SNX29: variants seen among roughly 807,000 people sequenced by gnomAD.
The protein encoded by SNX29 is sorting nexin 29.
In SNX29, 78 loss-of-function variants were observed where a neutral mutation model predicts 102.1. The observed-to-expected ratio is 0.76, with a 90% CI of 0.64 to 0.92. The LOEUF (loss-of-function observed/expected upper bound fraction) is 0.92, where lower values mean the gene tolerates loss of function less well. Ranked by LOEUF, SNX29 falls within the 40% of genes least tolerant of loss-of-function variation. SNX29 has a pLI of 0.00. For synonymous variants in SNX29, 580 were observed against 414.5 expected, an observed-to-expected ratio of 1.40 and a Z score of -4.85; for missense variants, 1,280 against 1,061.7, an observed-to-expected ratio of 1.21 and a Z score of -2.86.
intron 14 of SNX29, among the ~76,000 whole-genome samples, chr16:12,266,261 A>G (rs530423554): frequency 5.7e-4 from 86 of 152,048 alleles, no homozygotes; most frequent in Non-Finnish European, 1.0e-3. Flanking sequence ...CACCGCTCTC[A>G]ACACACCATT....
rs779900480 is a variant in SNX29 at position 12,571,771 on chromosome 16, A to C, written c.*3142A>C. ...ACCATCCACTCCTGATCTGAGACAG[A>C]ACCTTCTCCGCCACTCTTCCTGCAA... On this transcript the variant is annotated 3_prime_UTR_variant, in exon 21 of 21. Transcript: ENST00000566228. 2.6e-4 allele frequency: 261 copies of C among 1,010,980 alleles called. No individual in the cohort carries two copies. The highest frequency in any genetic ancestry group is 3.0e-4 in the Non-Finnish European group (247 of 831,018). The allele number at this position is 1,010,980 out of a possible 1,614,324, so 62.6% of individuals were successfully genotyped here. A position where few individuals can be genotyped will look rare whatever the true frequency, so the allele number is the denominator to read the frequency against.
At chr16:12,422,820 C>G (rs890125710) in intron 18 of SNX29, among the ~76,000 whole-genome samples, 1 of 152,244 alleles carries the variant, frequency 6.6e-6, no homozygotes, top group Non-Finnish European at 1.5e-5. Flanking sequence ...CTGACAATTT[C>G]ACTTTTGTGA....
intron 20 of SNX29, among the ~76,000 whole-genome samples, chr16:12,526,138 C>T (rs1274484213): frequency 6.6e-6 from 1 of 152,206 alleles, no homozygotes; most frequent in African/African-American, 2.4e-5. Flanking sequence ...AAGCACTGTT[C>T]TGGGTCGGTG....
At chr16:12,296,469 AG>A (rs2079985749) in intron 15 of SNX29, among the ~76,000 whole-genome samples, 1 of 152,242 alleles carries the variant, frequency 6.6e-6, no homozygotes, top group African/African-American at 2.4e-5. Flanking sequence ...GATCATTACT[AG>A]GCCAGCAGAC....
At chr16:12,088,683 C>T (rs577279571) in intron 11 of SNX29, among the ~76,000 whole-genome samples, 3 of 152,288 alleles carry the variant, frequency 2.0e-5, no homozygotes, top group South Asian at 4.1e-4. Flanking sequence ...CAGTGGCGCA[C>T]GCCTGTAATC....
chr16:12,288,513 T>A (rs1168060332), intron 15 of SNX29, among the ~76,000 whole-genome samples: 1 of 152,130 alleles, frequency 6.6e-6, no homozygotes, highest in Non-Finnish European at 1.5e-5. Flanking sequence ...ACACCGCCAC[T>A]TCAATAAAGC....
chr16:12,069,012 T>C, intron 9 of SNX29, 45 bp from the exon 10 acceptor site: 1 of 1,570,490 alleles, frequency 6.4e-7, no homozygotes, highest in East Asian at 2.2e-5. Context: ...GGAGAACATG[T>C]AGTGAGAAAA....
Position 12,128,810 on chromosome 16 carries a change from A to G in SNX29, c.1467-820A>G, listed in dbSNP as rs867202671. On this transcript the variant is annotated intron_variant, in intron 12 of 20. Coordinates refer to ENST00000566228, the MANE Select transcript of SNX29 (RefSeq NM_032167.5). ...AGTGTCCTCTGGATTTAGTATGTAG[A>G]TGTACCATGGTTGGTAATTGTTTTC... Among the ~76,000 whole-genome samples the G allele has an allele frequency of 1.8e-4, 26 of 148,058 alleles. 1 individual carries two copies. The South Asian group carries it at 4.7e-3, about 27-fold the overall frequency.
intron 13 of SNX29, among the ~76,000 whole-genome samples, chr16:12,175,511 G>A (rs1372522542): frequency 1.3e-5 from 2 of 151,964 alleles, no homozygotes; most frequent in African/African-American, 4.8e-5. Context: ...ATTAGCCAGG[G>A]ATGGTGGTAC....
In SNX29 at chr16:12,441,188, C is replaced by T. The variant is rs556165321; in HGVS notation, c.2038-36531C>T. 9.2e-4 allele frequency among the ~76,000 whole-genome samples: 139 copies of T among 151,252 alleles called. 5 individuals are homozygous for T. The South Asian group carries it at 0.025, about 27-fold the overall frequency. On this transcript the variant is annotated intron_variant, in intron 18 of 20. Transcript: ENST00000566228. Reference sequence around the variant, plus strand: ...CTGCAAGCTCCGCCTCCTGGGTTCCCGCCATTCTCCTGACTCAGCCTCCCG... The same window carrying T: ...CTGCAAGCTCCGCCTCCTGGGTTCCTGCCATTCTCCTGACTCAGCCTCCCG...
At chr16:12,165,447 G>A (rs919830081) in intron 13 of SNX29, among the ~76,000 whole-genome samples, 3 of 152,240 alleles carry the variant, frequency 2.0e-5, no homozygotes, top group African/African-American at 7.2e-5. Context: ...AATGATACAT[G>A]TAGGCAAAAT....
intron 13 of SNX29, among the ~76,000 whole-genome samples, chr16:12,147,328 A>G (rs890752861): frequency 6.6e-6 from 1 of 152,226 alleles, no homozygotes; most frequent in African/African-American, 2.4e-5. Context: ...CAAAGGACAG[A>G]AGCAGGAGGA....
chr16:12,142,961 G>T (rs992412108), intron 13 of SNX29, among the ~76,000 whole-genome samples: 2 of 151,848 alleles, frequency 1.3e-5, no homozygotes, highest in African/African-American at 4.8e-5. Context: ...TGTCCTGTGG[G>T]TGCTAGAAAT....
chr16:12,151,532 G>A (rs1370713269), intron 13 of SNX29, among the ~76,000 whole-genome samples: 4 of 152,174 alleles, frequency 2.6e-5, no homozygotes, highest in Non-Finnish European at 5.9e-5. Context: ...ACCGGGGCCT[G>A]CCTGCTTCCT....
chr16:12,554,572 T>C (rs547968974), intron 20 of SNX29, among the ~76,000 whole-genome samples: 2 of 152,330 alleles, frequency 1.3e-5, no homozygotes, highest in African/African-American at 4.8e-5. Context: ...TTCTTAAAGC[T>C]GACACCAAGA....
chr16:12,253,878 G>A (rs1046708046), intron 14 of SNX29, among the ~76,000 whole-genome samples: 4 of 152,164 alleles, frequency 2.6e-5, no homozygotes, highest in Non-Finnish European at 5.9e-5. Context: ...GTGGTTATAG[G>A]AGCTCAGGCA....
intron 18 of SNX29, among the ~76,000 whole-genome samples, chr16:12,404,151 A>G (rs1286707489): frequency 6.6e-6 from 1 of 152,152 alleles, no homozygotes; most frequent in Non-Finnish European, 1.5e-5. Flanking sequence ...AGATTCCCCA[A>G]ATGAGAGCCA....
chr16:12,560,604 C>T (rs538653215), intron 20 of SNX29, among the ~76,000 whole-genome samples: 1 of 152,206 alleles, frequency 6.6e-6, no homozygotes, highest in Non-Finnish European at 1.5e-5. Flanking sequence ...CATAAAGCAG[C>T]AAGCAACAGC....
chr16:12,108,925 C>G (rs1032668782), intron 11 of SNX29, among the ~76,000 whole-genome samples: 2 of 151,920 alleles, frequency 1.3e-5, no homozygotes, highest in Non-Finnish European at 2.9e-5. Context: ...GGCAGGAGTT[C>G]AAGAGCAGCC....
Sources: gnomAD v4.1 joint callset for allele counts (sites outside exome capture counted in the v4.1 genomes callset) on GRCh38, gnomAD v4.1.1 for gene constraint, MANE v1.5 for transcripts, NCBI Gene and HGNC (gene_info 2026-07-23, HGNC 2026-07-21) for gene names.